The following ZNF469 variants were observed in gnomAD, a reference collection of about 807,000 sequenced individuals.
The protein encoded by ZNF469 is zinc finger protein 469.
Under a neutral mutation model 1.0 loss-of-function variants are expected in ZNF469, and 1 was observed. That is an observed-to-expected ratio of 1.00 (90% CI 0.35 to 4.73). The LOEUF is 4.73. ZNF469 is among the 30% of genes most tolerant of loss of function. ZNF469 has a pLI of 0.16. For missense variants in ZNF469, 6,100 were observed against 5,356.3 expected (o/e 1.14, Z -4.33); for synonymous variants, 2,703 against 2,363.4 (o/e 1.14, Z -4.17).
chr16:88,159,284 C>G, the ZNF469 span, among the ~76,000 whole-genome samples: 3 of 152,068 alleles, frequency 2.0e-5, no homozygotes, highest in Non-Finnish European at 4.4e-5. Context: ...TCAAGATTGT[C>G]CATATGGTCT....
chr16:88,234,710 C>T, the ZNF469 span: 1 of 152,284 alleles, frequency 6.6e-6, no homozygotes, highest in Non-Finnish European at 1.5e-5. Context: ...CACAGCGTCC[C>T]TGAACCAAGG....
chr16:88,281,706 T>A, the ZNF469 span, among the ~76,000 whole-genome samples: 1 of 150,710 alleles, frequency 6.6e-6, no homozygotes, highest in Non-Finnish European at 1.5e-5. Flanking sequence ...ACCATGTAGA[T>A]ATCAGTGCAT....
the ZNF469 span, among the ~76,000 whole-genome samples, chr16:88,343,843 A>G: frequency 1.3e-5 from 2 of 152,130 alleles, no homozygotes; most frequent in African/African-American, 4.8e-5. Context: ...TTTCAACATG[A>G]GTTTTGCAGG....
At chr16:88,133,091 G>T in the ZNF469 span, among the ~76,000 whole-genome samples, 5,061 of 152,010 alleles carry the variant, frequency 0.033, no homozygotes, top group African/African-American at 0.11. Context: ...CTTGTGCACC[G>T]TAGCTTTGCG....
At chr16:88,196,338 G>T in the ZNF469 span, among the ~76,000 whole-genome samples, 15 of 152,176 alleles carry the variant, frequency 9.9e-5, no homozygotes, top group Admixed American at 2.0e-4. Context: ...TCTGAATGAC[G>T]TCTATGATTC....
chr16:88,240,954 G>T, the ZNF469 span, among the ~76,000 whole-genome samples: 1 of 152,110 alleles, frequency 6.6e-6, no homozygotes, highest in African/African-American at 2.4e-5. Flanking sequence ...CAGGGGCTGG[G>T]CGGAAACCCC....
At chr16:88,159,589 G>T in the ZNF469 span, among the ~76,000 whole-genome samples, 1 of 152,192 alleles carries the variant, frequency 6.6e-6, no homozygotes, top group African/African-American at 2.4e-5. Flanking sequence ...CCGCATTCTC[G>T]TCTCTAAATC....
chr16:88,145,520 C>T, the ZNF469 span, among the ~76,000 whole-genome samples: 2 of 152,250 alleles, frequency 1.3e-5, no homozygotes, highest in South Asian at 2.1e-4. Context: ...TTGGGTTTGC[C>T]GCTGTTGGTG....
chr16:88,149,691 CTCCCGGAGA>C, the ZNF469 span, among the ~76,000 whole-genome samples: 4 of 152,280 alleles, frequency 2.6e-5, no homozygotes, highest in South Asian at 8.3e-4. Flanking sequence ...AGGACAGCAG[CTCCCGGAGA>C]CACGGATGAT....
At chr16:88,198,165 A>T in the ZNF469 span, among the ~76,000 whole-genome samples, 2 of 152,196 alleles carry the variant, frequency 1.3e-5, no homozygotes, top group Non-Finnish European at 2.9e-5. Context: ...TCCTGCCATC[A>T]TGGAGCCTGC....
the ZNF469 span, among the ~76,000 whole-genome samples, chr16:88,170,791 T>C: frequency 6.6e-6 from 1 of 152,192 alleles, no homozygotes; most frequent in South Asian, 2.1e-4. The surrounding 1 kb of genome is among the most constrained non-coding windows in gnomAD (Gnocchi z 4.2). Flanking sequence ...TTGATGGGGT[T>C]GCAGGATCAT....
At position 88,429,433 on chromosome 16, in the gene ZNF469, C is replaced by G. The variant is rs1160837657; in HGVS notation, c.1963C>G (p.His655Asp). 5.8e-6 allele frequency: 9 copies of G among 1,542,260 alleles called. No individual in the cohort carries two copies. The East Asian group carries it at 1.5e-4, about 25-fold the overall frequency. The change falls in exon 3 of 3, where the codon CAC becomes GAC. Residue 655 changes from histidine to aspartate, a missense_variant. His to Asp is a moderately conservative substitution (Grantham distance 81). Coordinates refer to ENST00000565624, the MANE Select transcript of ZNF469 (RefSeq NM_001367624.2). ...GSPFPSPEPP[H>D]SLPTHYQPEP... The stretch of plus-strand genomic sequence containing the variant: ...CCCCTTCCCGTCCCCGGAGCCCCCC[C>G]ACTCCCTCCCCACCCACTACCAGCC...
At chr16:88,173,126 C>T in the ZNF469 span, among the ~76,000 whole-genome samples, 1 of 152,088 alleles carries the variant, frequency 6.6e-6, no homozygotes, top group Admixed American at 6.5e-5. Context: ...CTTGATAAAT[C>T]CCATGTAGAA....
At chr16:88,164,978 A>G in the ZNF469 span, among the ~76,000 whole-genome samples, 1 of 152,108 alleles carries the variant, frequency 6.6e-6, no homozygotes, top group Non-Finnish European at 1.5e-5. Context: ...GAGGGAAGGC[A>G]GGGCCATCGT....
chr16:88,431,647 T>C lies in ZNF469; in HGVS notation c.4177T>C (p.Cys1393Arg), dbSNP rs1160993345. 1.3e-6 allele frequency: 2 copies of C among 1,550,294 alleles called. No homozygotes were observed. The highest frequency in any genetic ancestry group is 1.7e-6 in the Non-Finnish European group (2 of 1,146,976). ...CCTCGGACCCAAAGACCTGGCTGGCTGTTTCCTGGAAGAACTGCACCCCAA... is the reference window on the plus strand; with the variant it reads ...CCTCGGACCCAAAGACCTGGCTGGCCGTTTCCTGGAAGAACTGCACCCCAA... ...LFLGPKDLAG[C>R]FLEELHPKPS... The change falls in exon 3 of 3, where the codon TGT becomes CGT. Residue 1393 changes from cysteine to arginine, a missense_variant. Physicochemically the swap from Cys to Arg is radical, Grantham distance 180. Coordinates refer to ENST00000565624, the MANE Select transcript of ZNF469 (RefSeq NM_001367624.2).
the ZNF469 span, among the ~76,000 whole-genome samples, chr16:88,365,443 A>G: frequency 6.6e-6 from 1 of 152,310 alleles, no homozygotes; most frequent in South Asian, 2.1e-4. Context: ...TGGGACTGTC[A>G]GAAGGGGCCA....
At chr16:88,267,311 C>T in the ZNF469 span, among the ~76,000 whole-genome samples, 10 of 152,326 alleles carry the variant, frequency 6.6e-5, no homozygotes, top group Admixed American at 5.2e-4. Context: ...TTAAGTGCCC[C>T]AGGGAGGAAT....
At chr16:88,338,295 G>C in the ZNF469 span, among the ~76,000 whole-genome samples, 1 of 151,866 alleles carries the variant, frequency 6.6e-6, no homozygotes, top group African/African-American at 2.4e-5. Context: ...GTCCTGAGCT[G>C]GGTCCAGGCT....
the ZNF469 span, among the ~76,000 whole-genome samples, chr16:88,132,134 C>T: frequency 6.6e-6 from 1 of 152,238 alleles, no homozygotes; most frequent in Non-Finnish European, 1.5e-5. Context: ...GTGGCCCCGG[C>T]CATACCGATG....
Sources: gnomAD v4.1 joint callset for allele counts (sites outside exome capture counted in the v4.1 genomes callset) on GRCh38, gnomAD v4.1.1 for gene constraint, Gnocchi (gnomAD v3.1) non-coding constraint, MANE v1.5 for transcripts, NCBI Gene and HGNC (gene_info 2026-07-23, HGNC 2026-07-21) for gene names.